Variants in INTS9 observed in about 807,000 individuals in gnomAD.
INTS9 encodes protein related to CPSF subunits of 74 kDa.
In INTS9, 55 loss-of-function variants were observed where a neutral mutation model predicts 79.7. The ratio of observed to expected loss-of-function variants is 0.69; its 90% CI spans 0.56 to 0.86. The LOEUF (loss-of-function observed/expected upper bound fraction) is 0.86, where lower values mean the gene tolerates loss of function less well. Among genes scored for constraint, INTS9 ranks in the 40% least tolerant of loss-of-function variants. INTS9 has a pLI of 0.00. For synonymous variants in INTS9, 319 were observed against 325.2 expected, an observed-to-expected ratio of 0.98 and a Z score of 0.20; for missense variants, 721 against 831.5, an observed-to-expected ratio of 0.87 and a Z score of 1.64.
At chr8:28,864,073 C>T (rs571795590) in intron 1 of INTS9, among the ~76,000 whole-genome samples, 6 of 152,120 alleles carry the variant, frequency 3.9e-5, no homozygotes, top group South Asian at 2.1e-4. Context: ...GCAGGCATGG[C>T]GGCTCATGCC....
chr8:28,837,674 T>C lies in INTS9; in HGVS notation c.364A>G (p.Thr122Ala). ...ACGGTGGGTTCCGTGGCATACACTG[T>C]GCCTGTGAAGCCGGTGTGCTCGGTG... ...YITEHTGFTG[T>A]VYATEPTVQI... The change falls in exon 5 of 17, where the codon ACA becomes GCA. Residue 122 changes from threonine (T) to alanine (A), a missense_variant. Transcript: ENST00000521022. 6.2e-7 allele frequency: 1 copy of C among 1,613,750 alleles called. No homozygotes were observed. The highest frequency in any genetic ancestry group is 1.1e-5 in the South Asian group (1 of 91,064).
chr8:28,815,019 C>T (rs532240701), intron 6 of INTS9, among the ~76,000 whole-genome samples: 1 of 152,108 alleles, frequency 6.6e-6, no homozygotes, highest in African/African-American at 2.4e-5. Context: ...CAAGGACTAC[C>T]ATAAATTTGA....
chr8:28,848,571 T>C (rs989670489), intron 3 of INTS9, among the ~76,000 whole-genome samples: 1 of 152,170 alleles, frequency 6.6e-6, no homozygotes, highest in African/African-American at 2.4e-5. Context: ...TAAAAACAAA[T>C]GAGCAATTAT....
chr8:28,880,450 G>T (rs1054424248), intron 1 of INTS9, among the ~76,000 whole-genome samples: 2 of 152,082 alleles, frequency 1.3e-5, no homozygotes, highest in Non-Finnish European at 2.9e-5. Context: ...TGGTGGAGAC[G>T]GGGTTTCGAT....
Position 28,810,769 on chromosome 8 carries a change from A to G in INTS9, c.744+1558T>C, listed in dbSNP as rs556557666. ...ACATTCAGGAAATGAACAGTAAATTATTTACAAATACCAAAAAGGAGTAAG... is the reference window on the plus strand; with the variant it reads ...ACATTCAGGAAATGAACAGTAAATTGTTTACAAATACCAAAAAGGAGTAAG... On this transcript the variant is annotated intron_variant, in intron 8 of 16. Transcript: ENST00000521022. Among the ~76,000 whole-genome samples the G allele has an allele frequency of 2.1e-4, 31 of 145,172 alleles. 1 individual carries two copies. Among genetic ancestry groups the G allele is most frequent in the African/African-American group, 8.2e-4 (31 of 37,972 alleles).
chr8:28,809,658 C>T (rs564072759), intron 8 of INTS9, among the ~76,000 whole-genome samples: 7 of 152,168 alleles, frequency 4.6e-5, no homozygotes, highest in South Asian at 2.1e-4. Flanking sequence ...GGACAAATCG[C>T]GAGAGTTGGC....
At chr8:28,772,115 G>GCCTC (rs1157273150) in intron 14 of INTS9, among the ~76,000 whole-genome samples, 1 of 152,168 alleles carries the variant, frequency 6.6e-6, no homozygotes, top group Non-Finnish European at 1.5e-5. Flanking sequence ...TCCTGCCTTG[G>GCCTC]CCTCCCAAGG....
At chr8:28,796,488 T>C in intron 9 of INTS9, 56 bp downstream of exon 9, 2 of 962,552 alleles carry the variant, frequency 2.1e-6, no homozygotes, top group South Asian at 1.4e-5. Context: ...ATATTTATTA[T>C]TGTAAAATAA....
rs1021833017 is a variant in INTS9 at position 28,790,115 on chromosome 8, G to A, written c.1038-2226C>T. ...AAGCCAGAGCAGAACCCCTGAGAAC[G>A]GGAAGCACAGAGCCAGGGAACCAGA... On this transcript the variant is annotated intron_variant, in intron 10 of 16. Transcript: ENST00000521022. Among the ~76,000 whole-genome samples the A allele has an allele frequency of 3.9e-5, 6 of 152,144 alleles. No homozygotes were observed. In the East Asian group the frequency reaches 5.8e-4, roughly 15 times the overall value.
rs184811730 is a variant in INTS9, at chr8:28,847,184, C to A, written c.199-375G>T. 1.7e-3 allele frequency among the ~76,000 whole-genome samples: 265 copies of A among 152,190 alleles called. 1 individual carries two copies. The highest frequency in any genetic ancestry group is 5.4e-4 in the Non-Finnish European group (37 of 68,008). ...ATGGATTACATAAAAGATCCCTGGC[C>A]CTATCTAAGACTGAAGGGATCAGAA... On this transcript the variant is annotated intron_variant, in intron 3 of 16. Coordinates refer to ENST00000521022, the MANE Select transcript of INTS9 (RefSeq NM_018250.4).
chr8:28,828,838 T>C (rs1251302949), intron 6 of INTS9, among the ~76,000 whole-genome samples: 1 of 152,026 alleles, frequency 6.6e-6, no homozygotes, highest in Non-Finnish European at 1.5e-5. Flanking sequence ...GCTGGGATTA[T>C]AGGTATGACT....
chr8:28,775,432 T>C (rs1361914378), intron 14 of INTS9, among the ~76,000 whole-genome samples: 1 of 152,114 alleles, frequency 6.6e-6, no homozygotes, highest in Non-Finnish European at 1.5e-5. Flanking sequence ...CACCTCCTGG[T>C]TCAAGCGATT....
chr8:28,769,986 CTCT>C lies in INTS9; in HGVS notation c.1700_1702del (p.Lys567del), dbSNP rs1298834143. ...TGGTACGTCATCGCTCACCCGCTTTCTCTTCTTCCCGCTCGTGGGCTGGGCGGG... is the reference window on the plus strand; with the variant it reads ...TGGTACGTCATCGCTCACCCGCTTTCTCTTCCCGCTCGTGGGCTGGGCGGG... On this transcript the variant is annotated inframe_deletion, in exon 16 of 17. Transcript: ENST00000521022. 1.2e-6 allele frequency: 2 copies of C among 1,614,200 alleles called. No individual in the cohort carries two copies. Among genetic ancestry groups the C allele is most frequent in the Non-Finnish European group, 1.7e-6 (2 of 1,180,044 alleles).
chr8:28,805,726 G>C (rs912720645), intron 8 of INTS9, among the ~76,000 whole-genome samples: 1 of 152,060 alleles, frequency 6.6e-6, no homozygotes, highest in East Asian at 1.9e-4. Flanking sequence ...AAGTAAGATA[G>C]TCACAGAAAA....
intron 6 of INTS9, among the ~76,000 whole-genome samples, chr8:28,820,988 G>C (rs572753722): frequency 6.6e-6 from 1 of 152,260 alleles, no homozygotes; most frequent in South Asian, 2.1e-4. Flanking sequence ...TAATTTAGTA[G>C]CAATGAGCAT....
intron 4 of INTS9, among the ~76,000 whole-genome samples, chr8:28,841,221 G>A (rs1303899922): frequency 6.6e-6 from 1 of 152,190 alleles, no homozygotes; most frequent in African/African-American, 2.4e-5. Context: ...GTTGTGCACT[G>A]CCTTTGCAAG....
chr8:28,769,672 C>CT, intron 16 of INTS9: 1 of 573,964 alleles, frequency 1.7e-6, no homozygotes, highest in South Asian at 2.3e-5. Context: ...GAGAGGCCTT[C>CT]TGGTGACCTC....
At chr8:28,805,642 G>A (rs1316594151) in intron 8 of INTS9, among the ~76,000 whole-genome samples, 4 of 152,160 alleles carry the variant, frequency 2.6e-5, no homozygotes, top group Non-Finnish European at 4.4e-5. Flanking sequence ...GGTATGATGT[G>A]CAAAGGAAGA....
chr8:28,767,770 T>C lies in INTS9; in HGVS notation c.*376A>G, dbSNP rs538644310. On this transcript the variant is annotated 3_prime_UTR_variant, in exon 17 of 17. Transcript: ENST00000521022. The stretch of plus-strand genomic sequence containing the variant: ...CATCATCTTATTGCGTACAGCACTG[T>C]AGGCAAGTAAACGAAACCAAAGGCT... 8 of 286,888 alleles carry C rather than the reference T, an allele frequency of 2.8e-5. No homozygotes were observed. Among genetic ancestry groups the C allele is most frequent in the Non-Finnish European group, 4.1e-5 (6 of 147,444 alleles). 17.8% of individuals were successfully genotyped at this position (286,888 alleles called of 1,614,324 possible).
Sources: allele counts gnomAD v4.1 joint callset (sites outside exome capture counted in the v4.1 genomes callset), GRCh38; gene constraint gnomAD v4.1.1; transcripts MANE v1.5; gene names NCBI Gene and HGNC (gene_info 2026-07-23, HGNC 2026-07-21).